The following ARFGEF3 variants were observed in gnomAD, a reference collection of about 807,000 sequenced individuals.
ARFGEF3 encodes the protein ARFGEF family member 3.
ARFGEF3 carries 96 observed loss-of-function variants against 221.7 expected under a neutral mutation model. That is an observed-to-expected ratio of 0.43 (90% CI 0.37 to 0.51). The LOEUF is 0.51. ARFGEF3 is among the 20% of genes least tolerant of loss of function. The probability of loss-of-function intolerance (pLI) is 0.00; values close to 1 mark genes in which losing one functional copy is unlikely to be tolerated. For missense variants in ARFGEF3, 2,410 were observed against 2,789.9 expected, an observed-to-expected ratio of 0.86 and a Z score of 3.07; for synonymous variants, 1,145 against 1,126.8, an observed-to-expected ratio of 1.02 and a Z score of -0.32.
chr6:138,166,402 G>A, intron 1 of ARFGEF3, among the ~76,000 whole-genome samples: 1 of 152,202 alleles, frequency 6.6e-6, no homozygotes. Context: ...TACCGCATAT[G>A]GCATATTGTC....
At chr6:138,329,289 T>C (rs529650811) in intron 32 of ARFGEF3, among the ~76,000 whole-genome samples, 1 of 152,234 alleles carries the variant, frequency 6.6e-6, no homozygotes, top group African/African-American at 2.4e-5. Context: ...CCTACTCCCA[T>C]TTCACCCCTG....
At chr6:138,281,866 C>T (rs961250085) in intron 14 of ARFGEF3, among the ~76,000 whole-genome samples, 9 of 152,180 alleles carry the variant, frequency 5.9e-5, no homozygotes, top group African/African-American at 2.2e-4. Flanking sequence ...GTCTGGTCAT[C>T]GCTTGCCTTA....
rs1284127915 is a variant in ARFGEF3, at chr6:138,325,104, T to C, written c.5001+950T>C. Among the ~76,000 whole-genome samples, 5 of 152,368 alleles carry C rather than the reference T, an allele frequency of 3.3e-5. No individual in the cohort carries two copies. The East Asian group carries it at 9.6e-4, about 29-fold the overall frequency. On this transcript the variant is annotated intron_variant, in intron 31 of 33. Coordinates refer to ENST00000251691, the MANE Select transcript of ARFGEF3 (RefSeq NM_020340.5). ...TTTTGCATATGCCTATGTATGTGTA[T>C]GCATGGTATGTATTTAAAATATTAA...
At chr6:138,302,118 A>G (rs944320379) in intron 22 of ARFGEF3, among the ~76,000 whole-genome samples, 5 of 152,228 alleles carry the variant, frequency 3.3e-5, no homozygotes, top group African/African-American at 7.2e-5. Context: ...AGGAAAAAAC[A>G]GTGACTAGAA....
At chr6:138,298,569 G>C (rs1246605398) in intron 21 of ARFGEF3, 37 bp from the exon 22 acceptor site, 2 of 1,579,058 alleles carry the variant, frequency 1.3e-6, no homozygotes, top group Non-Finnish European at 1.7e-6. Context: ...ACTGTCTGCT[G>C]TCCTGATGGT....
At chr6:138,279,070 G>A (rs996921498) in intron 13 of ARFGEF3, among the ~76,000 whole-genome samples, 4 of 152,150 alleles carry the variant, frequency 2.6e-5, no homozygotes, top group Admixed American at 1.3e-4. Flanking sequence ...GAGTGCAGTG[G>A]TGTGAGCATG....
chr6:138,225,208 T>A (rs557922974), intron 4 of ARFGEF3, among the ~76,000 whole-genome samples: 216 of 152,370 alleles, frequency 1.4e-3, no homozygotes, highest in Non-Finnish European at 2.2e-3. Context: ...TTTATCTCCT[T>A]TTAGTTATAA....
chr6:138,200,899 T>A (rs936138641), intron 2 of ARFGEF3, among the ~76,000 whole-genome samples: 6 of 151,526 alleles, frequency 4.0e-5, no homozygotes, highest in Admixed American at 1.3e-4. Context: ...ACCCACAGAG[T>A]GGGAGAAAAT....
Position 138,294,067 on chromosome 6 carries a change from C to T in ARFGEF3, c.3443C>T (p.Ser1148Leu). The T allele has an allele frequency of 6.2e-7, 1 of 1,613,628 alleles. No individual in the cohort carries two copies. Among genetic ancestry groups the T allele is most frequent in the Non-Finnish European group, 8.5e-7 (1 of 1,179,560 alleles). ...GGFLYQLKKASQSQLFHSVTD... is the reference protein window; with the variant it reads ...GGFLYQLKKALQSQLFHSVTD... ...TTTCTTTACCAGCTGAAGAAAGCAT[C>T]GCAGTCTCAGCTTTTCCATTCTGTT... Residue 1148 changes from serine to leucine, a missense_variant, in exon 20 of 34, where the codon TCG becomes TTG. Around this residue, in one of 5 missense-constraint regions of ARFGEF3, gnomAD observed 723 missense variants for 991.9 expected, o/e 0.73. Coordinates refer to ENST00000251691, the MANE Select transcript of ARFGEF3 (RefSeq NM_020340.5).
chr6:138,329,094 A>G (rs1405816110), intron 32 of ARFGEF3, among the ~76,000 whole-genome samples: 1 of 152,216 alleles, frequency 6.6e-6, no homozygotes. Flanking sequence ...TTGGGAGACA[A>G]AAAGGTCTAT....
At chr6:138,294,304 T>C (rs568556732) in intron 20 of ARFGEF3, among the ~76,000 whole-genome samples, 178 bp downstream of exon 20, 2 of 152,312 alleles carry the variant, frequency 1.3e-5, no homozygotes, top group African/African-American at 2.4e-5. Flanking sequence ...TGAGGGGTGG[T>C]GTAACTCTTT....
intron 2 of ARFGEF3, among the ~76,000 whole-genome samples, chr6:138,184,801 A>G (rs1777150725): frequency 6.6e-6 from 1 of 152,218 alleles, no homozygotes; most frequent in Non-Finnish European, 1.5e-5. Flanking sequence ...ATGGCAGTCC[A>G]TGGATGAGGG....
intron 2 of ARFGEF3, among the ~76,000 whole-genome samples, chr6:138,196,321 T>C (rs1777421426): frequency 6.6e-6 from 1 of 152,260 alleles, no homozygotes; most frequent in African/African-American, 2.4e-5. Flanking sequence ...CAAACCTAGA[T>C]GATACAGTCT....
chr6:138,264,992 C>T (rs1364752333), intron 12 of ARFGEF3, among the ~76,000 whole-genome samples: 2 of 151,768 alleles, frequency 1.3e-5, no homozygotes, highest in African/African-American at 4.8e-5. Flanking sequence ...CAAGCTCCGC[C>T]TCCCGGGTTC....
At position 138,263,013 on chromosome 6, in the gene ARFGEF3, C is replaced by T; in HGVS notation, c.1530C>T (p.Asp510=). Residue 510 remains aspartate (D), a synonymous_variant, in exon 12 of 34, where the codon GAC becomes GAT. Coordinates refer to ENST00000251691, the MANE Select transcript of ARFGEF3 (RefSeq NM_020340.5). ...ACATCAGCATCAGTGTCACCACAGA[C>T]ACAGGCCAGACCACTCTCGAGGGAG... is the stretch of plus-strand genomic sequence containing the variant. The part of the protein sequence containing the change: ...SLDISISVTT[D]TGQTTLEGEL... 6.2e-7 allele frequency: 1 copy of T among 1,603,856 alleles called. No homozygotes were observed. The highest frequency in any genetic ancestry group is 2.3e-5 in the East Asian group (1 of 44,280).
At chr6:138,244,202 G>A (rs1778444039) in intron 7 of ARFGEF3, among the ~76,000 whole-genome samples, 2 of 152,026 alleles carry the variant, frequency 1.3e-5, no homozygotes, top group Admixed American at 6.6e-5. Flanking sequence ...TTTTATTGCT[G>A]CACTTAAGAT....
chr6:138,217,532 A>G (rs1777893223), intron 4 of ARFGEF3: 1 of 153,744 alleles, frequency 6.5e-6, no homozygotes, highest in South Asian at 2.1e-4. Context: ...GGTTTCCATT[A>G]CACATTGTAA....
intron 22 of ARFGEF3, among the ~76,000 whole-genome samples, chr6:138,301,988 TG>T (rs976247957): frequency 5.3e-5 from 8 of 151,992 alleles, no homozygotes; most frequent in African/African-American, 1.5e-4. Context: ...CACCTTAGTC[TG>T]GGGGGAAAAA....
At chr6:138,275,037 G>A (rs1779071341) in intron 12 of ARFGEF3, among the ~76,000 whole-genome samples, 2 of 152,000 alleles carry the variant, frequency 1.3e-5, no homozygotes, top group South Asian at 4.1e-4. Flanking sequence ...AACCCGGGAG[G>A]CAGAGGTTGC....
Sources: gnomAD v4.1 joint callset for allele counts (sites outside exome capture counted in the v4.1 genomes callset) on GRCh38, gnomAD v4.1.1 for gene constraint, gnomAD v4.1.1 regional missense constraint, MANE v1.5 for transcripts, NCBI Gene and HGNC (gene_info 2026-07-23, HGNC 2026-07-21) for gene names.